The following FRMD5 variants were observed in gnomAD, a reference collection of about 807,000 sequenced individuals.
The protein encoded by FRMD5 is FERM domain containing 5, also known as FERM domain-containing protein 5.
FRMD5 carries 20 observed loss-of-function variants against 69.0 expected under a neutral mutation model. That is an observed-to-expected ratio of 0.29 (90% confidence interval 0.20 to 0.42). The LOEUF is 0.42. Among genes scored for constraint, FRMD5 ranks in the 10% least tolerant of loss-of-function variants. The probability of loss-of-function intolerance (pLI) is 1.00; values close to 1 mark genes in which losing one functional copy is unlikely to be tolerated. For missense variants in FRMD5, 595 were observed against 708.6 expected (o/e 0.84, Z 1.82); for synonymous variants, 271 against 260.1 (o/e 1.04, Z -0.40).
chr15:44,003,818 A>G (rs1186122403), intron 1 of FRMD5, among the ~76,000 whole-genome samples: 1 of 152,162 alleles, frequency 6.6e-6, no homozygotes, highest in East Asian at 1.9e-4. Flanking sequence ...TATACCATAT[A>G]TCATTTACTA....
chr15:44,154,735 C>G (rs1255017763), intron 1 of FRMD5, among the ~76,000 whole-genome samples: 1 of 152,100 alleles, frequency 6.6e-6, no homozygotes, highest in Non-Finnish European at 1.5e-5. Flanking sequence ...ATAGGCAAGT[C>G]TATAGACACA....
chr15:43,881,417 G>A (rs764873127), intron 13 of FRMD5, among the ~76,000 whole-genome samples: 3 of 152,198 alleles, frequency 2.0e-5, no homozygotes, highest in African/African-American at 7.2e-5. Context: ...GAAACACCAG[G>A]AGGCTGTGTC....
chr15:43,890,262 T>C (rs568006318), intron 8 of FRMD5, among the ~76,000 whole-genome samples: 2 of 152,296 alleles, frequency 1.3e-5, no homozygotes, highest in South Asian at 2.1e-4. Flanking sequence ...GAGAGTGAGA[T>C]TGGGTTTACA....
intron 1 of FRMD5, among the ~76,000 whole-genome samples, chr15:44,046,243 G>A (rs191704165): frequency 6.6e-6 from 1 of 152,110 alleles, no homozygotes; most frequent in Non-Finnish European, 1.5e-5. Context: ...ATTTAACCCT[G>A]AATAAGGAAC....
chr15:44,033,701 T>C (rs1014283215), intron 1 of FRMD5, among the ~76,000 whole-genome samples: 4 of 152,330 alleles, frequency 2.6e-5, no homozygotes, highest in Middle Eastern at 3.4e-3. Flanking sequence ...CAGTAGAATA[T>C]AATGATTAAA....
chr15:44,196,706 T>G (rs1445306162), upstream of FRMD5, among the ~76,000 whole-genome samples: 27 of 148,504 alleles, frequency 1.8e-4, no homozygotes, highest in African/African-American at 6.8e-4. Context: ...TTTTTTTTTT[T>G]GCATGGGGAG....
At chr15:44,144,091 G>A (rs1346999191) in intron 1 of FRMD5, among the ~76,000 whole-genome samples, 2 of 151,978 alleles carry the variant, frequency 1.3e-5, no homozygotes, top group African/African-American at 4.8e-5. Context: ...CCAAAAAAGT[G>A]GCATTCAATA....
intron 1 of FRMD5, among the ~76,000 whole-genome samples, chr15:44,018,822 G>T (rs1891084127): frequency 6.6e-6 from 1 of 152,124 alleles, no homozygotes; most frequent in Admixed American, 6.5e-5. Context: ...TATTTCCAGA[G>T]AAATAATTTT....
intron 1 of FRMD5, among the ~76,000 whole-genome samples, chr15:44,075,371 C>T (rs1161037841): frequency 6.6e-6 from 1 of 152,026 alleles, no homozygotes; most frequent in Non-Finnish European, 1.5e-5. Flanking sequence ...GACTGCTCAA[C>T]TCTTGAACAG....
At chr15:44,168,147 T>A (rs1212238860) in intron 1 of FRMD5, among the ~76,000 whole-genome samples, 1 of 152,180 alleles carries the variant, frequency 6.6e-6, no homozygotes, top group South Asian at 2.1e-4. Flanking sequence ...TAAATCAAAT[T>A]GTTTGCATTG....
At chr15:43,952,619 ACTTT>A (rs1180367646) in intron 1 of FRMD5, among the ~76,000 whole-genome samples, 1 of 152,196 alleles carries the variant, frequency 6.6e-6, no homozygotes. Context: ...TGAACACTGC[ACTTT>A]CTTGAGATTT....
chr15:43,922,343 G>A (rs569752299), intron 2 of FRMD5, among the ~76,000 whole-genome samples: 3 of 152,294 alleles, frequency 2.0e-5, no homozygotes, highest in South Asian at 4.1e-4. Flanking sequence ...AGGATGAGAT[G>A]GAATAACATA....
intron 1 of FRMD5, among the ~76,000 whole-genome samples, chr15:44,107,814 T>G (rs1197084145): frequency 6.6e-6 from 1 of 152,186 alleles, no homozygotes; most frequent in Non-Finnish European, 1.5e-5. Context: ...TGTGCTAGGG[T>G]GGTAGAATTA....
rs2076611995 is a variant in FRMD5, at chr15:44,099,891, A to C, written c.102+95062T>G. Among the ~76,000 whole-genome samples, 3 of 152,084 alleles carry C rather than the reference A, an allele frequency of 2.0e-5. No homozygotes were observed. In the South Asian group the frequency reaches 6.2e-4, roughly 32 times the overall value. On this transcript the variant is annotated intron_variant, in intron 1 of 13. Transcript: ENST00000417257. ...AGATAAGCTTGTATGAGTTCAACCG[A>C]ACTATTCTGATTAAGCAATTTTTGC...
chr15:44,049,535 A>C (rs2140341253), intron 1 of FRMD5, among the ~76,000 whole-genome samples: 1 of 152,336 alleles, frequency 6.6e-6, no homozygotes, highest in African/African-American at 2.4e-5. Flanking sequence ...GTAAAAATGG[A>C]AAGTGACATA....
chr15:43,951,980 TTGTG>T (rs1174993374), intron 1 of FRMD5, among the ~76,000 whole-genome samples: 44 of 107,734 alleles, frequency 4.1e-4, no homozygotes, highest in Middle Eastern at 4.3e-3. Context: ...TGTGTGTGTG[TTGTG>T]TGTGTGTGTG....
chr15:44,187,475 T>G (rs2078120811), intron 1 of FRMD5, among the ~76,000 whole-genome samples: 1 of 152,168 alleles, frequency 6.6e-6, no homozygotes, highest in Admixed American at 6.5e-5. Context: ...CTAAAGACTT[T>G]ACATTTTTAA....
At chr15:44,023,309 G>A (rs1046406210) in intron 1 of FRMD5, among the ~76,000 whole-genome samples, 13 of 152,210 alleles carry the variant, frequency 8.5e-5, no homozygotes, top group Non-Finnish European at 1.8e-4. Context: ...AAATGAGGCA[G>A]TGAGAGTTAT....
At chr15:43,909,832 T>C (rs1566829311) in intron 5 of FRMD5, 50 bp downstream of exon 5, 1 of 1,068,536 alleles carries the variant, frequency 9.4e-7, no homozygotes, top group Non-Finnish European at 1.4e-6. Flanking sequence ...GAAAATAATG[T>C]AATCAGTACT....
Sources: allele counts gnomAD v4.1 joint callset (sites outside exome capture counted in the v4.1 genomes callset), GRCh38; gene constraint gnomAD v4.1.1; transcripts MANE v1.5; gene names NCBI Gene and HGNC (gene_info 2026-07-23, HGNC 2026-07-21).